FAT4: variants seen among roughly 807,000 people sequenced by gnomAD.
FAT4 encodes protocadherin Fat 4.
A neutral mutation model predicts 303.9 loss-of-function variants in FAT4; 84 were observed. The observed-to-expected ratio is 0.28, with a 90% CI of 0.23 to 0.33. FAT4 has a LOEUF of 0.33. Ranked by LOEUF, FAT4 falls within the 10% of genes least tolerant of loss-of-function variation. The pLI is 1.00. For missense variants in FAT4, 6,005 were observed against 6,146.8 expected, an observed-to-expected ratio of 0.98 and a Z score of 0.77; for synonymous variants, 2,307 against 2,298.8, an observed-to-expected ratio of 1.00 and a Z score of -0.10.
intron 2 of FAT4, among the ~76,000 whole-genome samples, chr4:125,397,736 C>G (rs1379266932): frequency 6.6e-6 from 1 of 152,130 alleles, no homozygotes; most frequent in Non-Finnish European, 1.5e-5. Context: ...CTTACTGCCT[C>G]TCCCCTTCCC....
chr4:125,332,950 G>A (rs977195916), intron 2 of FAT4, among the ~76,000 whole-genome samples: 1 of 151,674 alleles, frequency 6.6e-6, no homozygotes, highest in Non-Finnish European at 1.5e-5. Context: ...GTGTTTTATG[G>A]TATATACATT....
rs532533025 is a variant in FAT4, at chr4:125,315,680, G to C, written c.-310G>C. ...CGGCGGCGGCGGCGGCTGCAGGAGG[G>C]GAAGGGGCAGAGTTGAGCGCTCCCG... On this transcript the variant is annotated 5_prime_UTR_variant, in exon 1 of 18. Coordinates refer to ENST00000394329, the MANE Select transcript of FAT4 (RefSeq NM_001291303.3). Among the ~76,000 whole-genome samples the C allele has an allele frequency of 6.6e-6, 1 of 152,300 alleles. No individual in the cohort carries two copies. Among genetic ancestry groups the C allele is most frequent in the South Asian group, 2.1e-4 (1 of 4,828 alleles).
chr4:125,390,641 A>T (rs1733943659), intron 2 of FAT4, among the ~76,000 whole-genome samples: 1 of 152,158 alleles, frequency 6.6e-6, no homozygotes, highest in African/African-American at 2.4e-5. Flanking sequence ...CATTTAGCAA[A>T]ATGTTATTGA....
chr4:125,419,515 T>C (rs13144799), intron 7 of FAT4, among the ~76,000 whole-genome samples: 150,891 of 152,318 alleles, frequency 0.99, 74,752 homozygotes, highest in East Asian at 1. Context: ...TTCTCCTGCA[T>C]GGTGCATTAT....
chr4:125,491,750 A>G lies in FAT4; in HGVS notation c.14934A>G (p.Glu4978=). The change falls in exon 18 of 18, where the codon GAA becomes GAG. Residue 4978 remains glutamate, a synonymous_variant. Transcript: ENST00000394329. ...GTTKPVPKDG[E]AEQYV is the part of the protein sequence containing the mutation. ...CTAAACCAGTCCCCAAAGATGGGGA[A>G]GCAGAACAGTATGTGTGAAGTTTAT... 1.2e-6 allele frequency: 2 copies of G among 1,612,498 alleles called. No homozygotes were observed. Among genetic ancestry groups the G allele is most frequent in the South Asian group, 1.1e-5 (1 of 90,892 alleles).
chr4:125,471,454 T>A (rs1315657807), intron 12 of FAT4, among the ~76,000 whole-genome samples: 1 of 152,200 alleles, frequency 6.6e-6, no homozygotes, highest in Non-Finnish European at 1.5e-5. Context: ...TAGATTATAT[T>A]GATTTTATTA....
In FAT4 at chr4:125,446,391, A is replaced by T. The variant is rs776198713; in HGVS notation, c.7298A>T (p.Tyr2433Phe). The T allele has an allele frequency of 1.2e-6, 2 of 1,613,590 alleles. No individual in the cohort carries two copies. The highest frequency in any genetic ancestry group is 1.7e-6 in the Non-Finnish European group (2 of 1,179,594). Residue 2433 changes from tyrosine to phenylalanine, a missense_variant, in exon 9 of 18, where the codon TAT becomes TTT. Tyr to Phe is a conservative substitution (Grantham distance 22). Transcript: ENST00000394329. ...ALLDRETKDN[Y>F]TLVVVCSDAG... ...TTAGATAGGGAAACAAAAGATAATT[A>T]TACTTTGGTAGTGGTCTGCAGTGAT... is the stretch of plus-strand genomic sequence containing the variant.
In FAT4 at chr4:125,450,213, A is replaced by G. The variant is rs751742809; in HGVS notation, c.9203A>G (p.Asn3068Ser). The change falls in exon 10 of 18, where the codon AAC becomes AGC. Residue 3068 changes from asparagine (N) to serine (S), a missense_variant. Coordinates refer to ENST00000394329, the MANE Select transcript of FAT4 (RefSeq NM_001291303.3). ...ACAGTCACTGCAAAGGATAAGGGAA[A>G]CCCTCCACTTTCTTCCCAAGCAACT... is the stretch of plus-strand genomic sequence containing the variant. ...FITVTAKDKG[N>S]PPLSSQATVH... The G allele has an allele frequency of 1.6e-5, 26 of 1,613,698 alleles. No homozygotes were observed. The highest frequency in any genetic ancestry group is 2.2e-5 in the Non-Finnish European group (26 of 1,179,968).
intron 6 of FAT4, 84 bp from the exon 7 acceptor site, chr4:125,416,364 C>A: frequency 2.5e-6 from 3 of 1,209,390 alleles, no homozygotes; most frequent in South Asian, 3.1e-5. Context: ...CATAGTTTTA[C>A]CTCATTTTTT....
At position 125,321,220 on chromosome 4, in the gene FAT4, A is replaced by C. The variant is rs769526124; in HGVS notation, c.4809A>C (p.Ala1603=). 31 of 1,614,062 alleles carry C rather than the reference A, an allele frequency of 1.9e-5. No homozygotes were observed. The highest frequency in any genetic ancestry group is 5.0e-5 in the Admixed American group (3 of 60,000). The part of the protein sequence containing the change: ...SQLIYNLIVS[A]TDLGPERRKS... ...TGATCTACAATCTCATAGTTTCAGC[A>C]ACAGACCTTGGGCCTGAAAGGAGGA... is the stretch of plus-strand genomic sequence containing the variant. The change falls in exon 2 of 18, where the codon GCA becomes GCC. Residue 1603 remains alanine, a synonymous_variant. Coordinates refer to ENST00000394329, the MANE Select transcript of FAT4 (RefSeq NM_001291303.3).
At chr4:125,414,844 G>C in intron 5 of FAT4, 40 bp from the exon 6 acceptor site, 1 of 1,395,550 alleles carries the variant, frequency 7.2e-7, no homozygotes, top group Non-Finnish European at 9.9e-7. Flanking sequence ...TCTGCAATCA[G>C]CATATGTTTA....
rs1014867 is a variant in FAT4, at chr4:125,491,736, C to T, written c.14920C>T (p.Pro4974Ser). 0.054 allele frequency: 87,359 copies of T among 1,613,234 alleles called. 2,483 individuals carry two copies. Among genetic ancestry groups the T allele is most frequent in the East Asian group, 0.059 (2,646 of 44,854 alleles). Reference protein sequence around the residue: ...EGKAGTTKPVPKDGEAEQYV With the variant: ...EGKAGTTKPVSKDGEAEQYV ...CAAAGCTGGGACAACTAAACCAGTC[C>T]CCAAAGATGGGGAAGCAGAACAGTA... Residue 4974 changes from proline to serine, a missense_variant, in exon 18 of 18, where the codon CCC becomes TCC. Transcript: ENST00000394329.
At chr4:125,407,387 G>A (rs1467907328) in intron 4 of FAT4, among the ~76,000 whole-genome samples, 2 of 151,980 alleles carry the variant, frequency 1.3e-5, no homozygotes, top group African/African-American at 4.8e-5. Flanking sequence ...TTGTGACATG[G>A]GTTATTAATT....
chr4:125,478,342 A>G (rs1727105675), intron 14 of FAT4, among the ~76,000 whole-genome samples: 3 of 152,210 alleles, frequency 2.0e-5, no homozygotes, highest in Non-Finnish European at 4.4e-5. Context: ...CATTGTTAAT[A>G]CTTCGGTGTG....
At chr4:125,359,145 C>T (rs1732549705) in intron 2 of FAT4, among the ~76,000 whole-genome samples, 1 of 152,122 alleles carries the variant, frequency 6.6e-6, no homozygotes, top group South Asian at 2.1e-4. Context: ...CACATCATCA[C>T]ATAGTAGCAC....
At chr4:125,333,590 C>T (rs1731467418) in intron 2 of FAT4, among the ~76,000 whole-genome samples, 1 of 152,056 alleles carries the variant, frequency 6.6e-6, no homozygotes, top group African/African-American at 2.4e-5. Context: ...TTCACATTAG[C>T]ATATCTGTAG....
In FAT4 at chr4:125,449,963, T is replaced by G. The variant is rs750693860; in HGVS notation, c.8953T>G (p.Phe2985Val). Residue 2985 changes from phenylalanine to valine, a missense_variant, in exon 10 of 18, where the codon TTT becomes GTT. Phe to Val is a conservative substitution (Grantham distance 50, BLOSUM62 -1). Coordinates refer to ENST00000394329, the MANE Select transcript of FAT4 (RefSeq NM_001291303.3). ...IVDSNDNAPQ[F>V]LKSKYFTPVT... The stretch of plus-strand genomic sequence containing the variant: ...GGACAGTAATGACAATGCACCTCAA[T>G]TTCTTAAAAGTAAATATTTCACTCC... 8 of 1,613,698 alleles carry G rather than the reference T, an allele frequency of 5.0e-6. No individual in the cohort carries two copies. The highest frequency in any genetic ancestry group is 6.8e-6 in the Non-Finnish European group (8 of 1,179,912).
chr4:125,429,874 G>A (rs968581230), intron 7 of FAT4, among the ~76,000 whole-genome samples: 2 of 152,088 alleles, frequency 1.3e-5, no homozygotes, highest in African/African-American at 2.4e-5. Flanking sequence ...AGCTTTGGAC[G>A]GAAGATAAAG....
At position 125,431,399 on chromosome 4, in the gene FAT4, T is replaced by G. The variant is rs1475259492; in HGVS notation, c.7019-2846T>G. The stretch of plus-strand genomic sequence containing the variant: ...TTTTACCACAAGTGAATCATTGAGA[T>G]GAATTATTATTCAAAATATTTTCCT... On this transcript the variant is annotated intron_variant, in intron 7 of 17. Transcript: ENST00000394329. Among the ~76,000 whole-genome samples the G allele has an allele frequency of 5.9e-5, 9 of 152,176 alleles. No homozygotes were observed. The East Asian group carries it at 1.7e-3, about 29-fold the overall frequency.
Sources: gnomAD v4.1 joint callset for allele counts (sites outside exome capture counted in the v4.1 genomes callset) on GRCh38, gnomAD v4.1.1 for gene constraint, MANE v1.5 for transcripts, NCBI Gene and HGNC (gene_info 2026-07-23, HGNC 2026-07-21) for gene names.